Variants in ZNF652 observed in about 807,000 individuals in gnomAD.
ZNF652 encodes the protein zinc finger protein 652.
In ZNF652, 16 loss-of-function variants were observed where a neutral mutation model predicts 45.2. That is an observed-to-expected ratio of 0.35 (90% CI 0.24 to 0.54). The LOEUF is 0.54. Ranked by LOEUF, ZNF652 falls within the 20% of genes least tolerant of loss-of-function variation. ZNF652 has a pLI of 0.91. For missense variants in ZNF652, 614 were observed against 765.6 expected (o/e 0.80, Z 2.34); for synonymous variants, 250 against 260.6 (o/e 0.96, Z 0.39).
At chr17:49,333,362 GAAATAATTTAAAA>G (rs2070045062) in intron 1 of ZNF652, among the ~76,000 whole-genome samples, 1 of 149,530 alleles carries the variant, frequency 6.7e-6, no homozygotes, top group South Asian at 2.1e-4. Context: ...CGGCCAAAAT[GAAATAATTTAAAA>G]AATTAAAACG....
intron 1 of ZNF652, among the ~76,000 whole-genome samples, chr17:49,333,391 A>G (rs2070045456): frequency 6.6e-6 from 1 of 150,614 alleles, no homozygotes; most frequent in South Asian, 2.1e-4. Context: ...AAACGGAAAG[A>G]ATATGAAGAC....
At chr17:49,351,606 T>C (rs1236599589) in intron 1 of ZNF652, among the ~76,000 whole-genome samples, 1 of 152,178 alleles carries the variant, frequency 6.6e-6, no homozygotes, top group Non-Finnish European at 1.5e-5. Flanking sequence ...TGCGCTCATA[T>C]TGAGAGATGT....
At chr17:49,342,327 T>TA (rs1412368942) in intron 1 of ZNF652, among the ~76,000 whole-genome samples, 5 of 152,286 alleles carry the variant, frequency 3.3e-5, no homozygotes, top group African/African-American at 1.2e-4. Flanking sequence ...ATTTTTATGT[T>TA]AAATTCAGGA....
chr17:49,361,681 G>A (rs970479015), intron 1 of ZNF652, among the ~76,000 whole-genome samples: 29 of 152,278 alleles, frequency 1.9e-4, no homozygotes, highest in Admixed American at 1.5e-3. Context: ...GGGGGCGAAA[G>A]AGCAGGAGCG....
rs2069502590 is a variant in ZNF652 at position 49,298,359 on chromosome 17, G to A, written c.*54C>T. The A allele has an allele frequency of 3.7e-6, 6 of 1,604,142 alleles. No individual in the cohort carries two copies. In the Admixed American group the frequency reaches 1.0e-4, roughly 27 times the overall value. On this transcript the variant is annotated 3_prime_UTR_variant, in exon 6 of 6. Transcript: ENST00000430262. Reference sequence around the variant, plus strand: ...GGAAATGCTCACCGACTCCCTCTGTGCACGCTCACACATGGGGACGTGTCT... The same window carrying A: ...GGAAATGCTCACCGACTCCCTCTGTACACGCTCACACATGGGGACGTGTCT...
intron 1 of ZNF652, among the ~76,000 whole-genome samples, chr17:49,324,581 T>C (rs1289550332): frequency 6.6e-6 from 1 of 151,606 alleles, no homozygotes; most frequent in African/African-American, 2.4e-5. Flanking sequence ...GTACAGATGA[T>C]GTTTCACTAT....
At chr17:49,309,248 T>A (rs2069674265) in intron 5 of ZNF652, among the ~76,000 whole-genome samples, 1 of 150,176 alleles carries the variant, frequency 6.7e-6, no homozygotes, top group South Asian at 2.1e-4. Flanking sequence ...TCCCAGCACT[T>A]TGGGAGGCTG....
chr17:49,355,913 T>C (rs1296637998), intron 1 of ZNF652, among the ~76,000 whole-genome samples: 1 of 151,716 alleles, frequency 6.6e-6, no homozygotes, highest in Non-Finnish European at 1.5e-5. Flanking sequence ...AAAAATAGTA[T>C]CTAAAAAACA....
rs568865884 is a variant in ZNF652 at position 49,311,200 on chromosome 17, T to C, written c.1309+112A>G. On this transcript the variant is annotated intron_variant, in intron 5 of 5. Transcript: ENST00000430262. ...CATATTAGGTTTATTTAAAGTGGGATTTTTGCTTTGAATGCAAATTTGTGG... is the reference window on the plus strand; with the variant it reads ...CATATTAGGTTTATTTAAAGTGGGACTTTTGCTTTGAATGCAAATTTGTGG... 593 of 1,179,528 alleles carry C rather than the reference T, an allele frequency of 5.0e-4. 1 individual carries two copies. The highest frequency in any genetic ancestry group is 5.4e-4 in the Non-Finnish European group (448 of 834,458). 73.1% of individuals were successfully genotyped at this position (1,179,528 alleles called of 1,614,324 possible).
intron 1 of ZNF652, among the ~76,000 whole-genome samples, chr17:49,336,957 T>TG (rs1598307503): frequency 7.9e-6 from 1 of 126,146 alleles, no homozygotes; most frequent in Non-Finnish European, 1.8e-5. Flanking sequence ...TTTTTTTTTT[T>TG]TTTTTTTTAA....
chr17:49,360,811 T>C (rs1315936890), intron 1 of ZNF652, among the ~76,000 whole-genome samples: 2 of 152,102 alleles, frequency 1.3e-5, no homozygotes, highest in Admixed American at 6.5e-5. Context: ...GCCTTGATCA[T>C]AGATCCCAAA....
chr17:49,323,728 CAGAGCTCTTGGGTAA>C (rs1408447367), intron 1 of ZNF652, among the ~76,000 whole-genome samples: 1 of 152,194 alleles, frequency 6.6e-6, no homozygotes, highest in Non-Finnish European at 1.5e-5. Context: ...ACATCTCCAT[CAGAGCTCTTGGGTAA>C]CTAGGTGCAC....
intron 1 of ZNF652, among the ~76,000 whole-genome samples, chr17:49,330,498 G>A (rs1426350272): frequency 1.3e-5 from 2 of 151,790 alleles, no homozygotes; most frequent in Non-Finnish European, 2.9e-5. Flanking sequence ...TTTTTAATTA[G>A]GTGCATGCCT....
Position 49,298,435 on chromosome 17 carries a change from T to C in ZNF652, c.1799A>G (p.Asn600Ser). ...ATGTTAATGATGCTGTGCTGAACTG[T>C]TCTTCTCTGCCAGGTGCCGCAGAAA... ...DNFLRHLAEK[N>S]SSAQHH Residue 600 changes from asparagine to serine, a missense_variant, in exon 6 of 6, where the codon AAC (asparagine) becomes AGC (serine). Transcript: ENST00000430262. The C allele has an allele frequency of 1.9e-6, 3 of 1,612,848 alleles. No homozygotes were observed. The highest frequency in any genetic ancestry group is 2.5e-6 in the Non-Finnish European group (3 of 1,180,040).
At chr17:49,335,907 T>G (rs2070074830) in intron 1 of ZNF652, among the ~76,000 whole-genome samples, 1 of 152,226 alleles carries the variant, frequency 6.6e-6, no homozygotes, top group Non-Finnish European at 1.5e-5. Context: ...CACCATTCCT[T>G]GGATGATTCT....
At chr17:49,321,942 AATG>A (rs1344938701) in intron 1 of ZNF652, among the ~76,000 whole-genome samples, 2 of 152,232 alleles carry the variant, frequency 1.3e-5, no homozygotes, top group Non-Finnish European at 2.9e-5. Flanking sequence ...TTCAGAAAAT[AATG>A]ATCAGTTTAT....
intron 1 of ZNF652, among the ~76,000 whole-genome samples, chr17:49,355,583 A>C (rs1349458337): frequency 2.0e-5 from 3 of 151,836 alleles, no homozygotes; most frequent in Admixed American, 6.6e-5. Flanking sequence ...TCTCAAATAA[A>C]AAAAATAAGT....
chr17:49,351,999 C>CA (rs1191534888), intron 1 of ZNF652, among the ~76,000 whole-genome samples: 3 of 151,742 alleles, frequency 2.0e-5, no homozygotes, highest in Non-Finnish European at 4.4e-5. Context: ...GTCTCAAAAA[C>CA]AAAAAAACAA....
chr17:49,334,768 G>C (rs2143860238), intron 1 of ZNF652, among the ~76,000 whole-genome samples: 1 of 141,254 alleles, frequency 7.1e-6, no homozygotes, highest in East Asian at 2.0e-4. Flanking sequence ...GACAGAGCAA[G>C]ACTCGATCTC....
Sources: gnomAD v4.1 joint callset for allele counts (sites outside exome capture counted in the v4.1 genomes callset) on GRCh38, gnomAD v4.1.1 for gene constraint, MANE v1.5 for transcripts, NCBI Gene and HGNC (gene_info 2026-07-23, HGNC 2026-07-21) for gene names.